The following APELA variants were observed in gnomAD, a reference collection of about 807,000 sequenced individuals.
APELA encodes the protein protein Elabela.
intron 2 of APELA, among the ~76,000 whole-genome samples, chr4:164,880,550 A>G (rs1444883989): frequency 6.6e-6 from 1 of 152,244 alleles, no homozygotes; most frequent in Non-Finnish European, 1.5e-5. Context: ...TTTCAGTGTC[A>G]TGTATGAAAT....
At chr4:164,883,343 C>A (rs1730697143) in intron 2 of APELA, among the ~76,000 whole-genome samples, 1 of 152,170 alleles carries the variant, frequency 6.6e-6, no homozygotes, top group Admixed American at 6.5e-5. Flanking sequence ...TTCTTAATCT[C>A]CTCTTCCAAC....
At chr4:164,891,400 A>G (rs1316233396) in intron 2 of APELA, among the ~76,000 whole-genome samples, 2 of 152,174 alleles carry the variant, frequency 1.3e-5, no homozygotes, top group African/African-American at 4.8e-5. Flanking sequence ...TGTAACAAGT[A>G]TTGCCATTTT....
chr4:164,891,647 T>A (rs1730884149), intron 2 of APELA, among the ~76,000 whole-genome samples: 1 of 152,190 alleles, frequency 6.6e-6, no homozygotes, highest in African/African-American at 2.4e-5. Flanking sequence ...TATCCTGAAA[T>A]CTTAATAAAA....
At chr4:164,886,249 T>C (rs1730768597) in intron 2 of APELA, among the ~76,000 whole-genome samples, 1 of 152,190 alleles carries the variant, frequency 6.6e-6, no homozygotes, top group East Asian at 1.9e-4. Context: ...AAATGAAATA[T>C]TGAAAATTAC....
Position 164,897,444 on chromosome 4 carries a change from A to T in APELA, c.*2030A>T, listed in dbSNP as rs542772095. On this transcript the variant is annotated 3_prime_UTR_variant, in exon 3 of 3. Transcript: ENST00000507152. The stretch of plus-strand genomic sequence containing the variant: ...TACAAATTCGCATATTCACAGAAAA[A>T]GTTACAAATCAGTTTTACTATTGTA... 1 of 152,386 alleles carries T rather than the reference A, an allele frequency of 6.6e-6. No individual in the cohort carries two copies. The highest frequency in any genetic ancestry group is 1.9e-4 in the East Asian group (1 of 5,194). The allele number at this position is 152,386 out of a possible 1,614,324, so 9.4% of individuals were successfully genotyped here.
intron 2 of APELA, among the ~76,000 whole-genome samples, chr4:164,884,121 GAGAAAGAAAGAA>G (rs375419662): frequency 8.8e-6 from 1 of 113,378 alleles, no homozygotes; most frequent in East Asian, 2.4e-4. Context: ...AAGAAAGAAA[GAGAAAGAAAGAA>G]AGAAAGAAAG....
At chr4:164,880,811 G>A (rs2111050229) in intron 2 of APELA, among the ~76,000 whole-genome samples, 1 of 152,248 alleles carries the variant, frequency 6.6e-6, no homozygotes, top group Admixed American at 6.5e-5. Context: ...AAGTTGAGGG[G>A]AATTTTGACT....
At chr4:164,878,792 A>G (rs1212054864) in intron 1 of APELA, 128 bp from the exon 2 acceptor site, 3 of 396,482 alleles carry the variant, frequency 7.6e-6, no homozygotes, top group Non-Finnish European at 1.3e-5. Context: ...TTAATTTTAT[A>G]ATCACATTTG....
chr4:164,891,166 T>A (rs1462160315), intron 2 of APELA, among the ~76,000 whole-genome samples: 1 of 152,200 alleles, frequency 6.6e-6, no homozygotes, highest in Non-Finnish European at 1.5e-5. Context: ...TGCAAATATT[T>A]TCTTCCATTC....
chr4:164,886,982 G>C (rs148588730), intron 2 of APELA, among the ~76,000 whole-genome samples: 9,795 of 151,584 alleles, frequency 0.065, 409 homozygotes, highest in African/African-American at 0.12. Flanking sequence ...CCTGCCACCA[G>C]GCCTGGCTAA....
At chr4:164,893,603 A>T (rs551777111) in intron 2 of APELA, among the ~76,000 whole-genome samples, 1 of 152,292 alleles carries the variant, frequency 6.6e-6, no homozygotes, top group Non-Finnish European at 1.5e-5. Flanking sequence ...TTTTAAAACT[A>T]TGACATTATT....
In APELA at chr4:164,896,504, T is replaced by A. The variant is rs1730979260; in HGVS notation, c.*1090T>A. ...CAATGAAGTCCCACTCAGGGTGATA[T>A]CTGTATCTAAAAGATGAGTGCTCAT... On this transcript the variant is annotated 3_prime_UTR_variant, in exon 3 of 3. Transcript: ENST00000507152. The A allele has an allele frequency of 6.6e-6, 1 of 152,162 alleles. No individual in the cohort carries two copies. Among genetic ancestry groups the A allele is most frequent in the East Asian group, 1.9e-4 (1 of 5,200 alleles). 9.4% of individuals were successfully genotyped at this position (152,162 alleles called of 1,614,324 possible). A position where few individuals can be genotyped will look rare whatever the true frequency, so the allele number is the denominator to read the frequency against.
In APELA at chr4:164,884,157, AAGG is replaced by A. The variant is rs1560858152; in HGVS notation, c.*1+5151_*1+5153del. Among the ~76,000 whole-genome samples the A allele has an allele frequency of 1.4e-3, 205 of 148,698 alleles. 2 individuals are homozygous for A. Among genetic ancestry groups the A allele is most frequent in the African/African-American group, 4.9e-3 (190 of 38,852 alleles). ...AAAGAAAGAAAGAAAGAAAGAAAGA[AAGG>A]AGAAGAGAAAGAAAGGAGAGAAGAA... On this transcript the variant is annotated intron_variant, in intron 2 of 2. Transcript: ENST00000507152.
intron 1 of APELA, among the ~76,000 whole-genome samples, chr4:164,878,264 A>G (rs1466873737): frequency 1.3e-5 from 2 of 150,538 alleles, no homozygotes; most frequent in Admixed American, 6.6e-5. Context: ...CCCAACTTTA[A>G]ATAAAAAGGT....
rs1397841037 is a variant in APELA, at chr4:164,892,396, T to C, written c.*2-3020T>C. 3.3e-5 allele frequency among the ~76,000 whole-genome samples: 5 copies of C among 152,190 alleles called. No homozygotes were observed. The South Asian group carries it at 8.3e-4, about 25-fold the overall frequency. ...TATGTATATATATTATCATGTGTTA[T>C]GTGTTTTGTCTCTTATTCTATTGAT... On this transcript the variant is annotated intron_variant, in intron 2 of 2. Transcript: ENST00000507152.
At chr4:164,884,235 GGAAA>G (rs1264389703) in intron 2 of APELA, among the ~76,000 whole-genome samples, 19 of 151,696 alleles carry the variant, frequency 1.3e-4, no homozygotes, top group Admixed American at 6.6e-4. Context: ...AGGAAGAGAA[GGAAA>G]GAAAGAAGAG....
In APELA at chr4:164,897,144, C is replaced by G. The variant is rs887701611; in HGVS notation, c.*1730C>G. 10 of 152,094 alleles carry G rather than the reference C, an allele frequency of 6.6e-5. No individual in the cohort carries two copies. Among genetic ancestry groups the G allele is most frequent in the Non-Finnish European group, 7.4e-5 (5 of 68,026 alleles). 9.4% of individuals were successfully genotyped at this position (152,094 alleles called of 1,614,324 possible). A position where few individuals can be genotyped will look rare whatever the true frequency, so the allele number is the denominator to read the frequency against. On this transcript the variant is annotated 3_prime_UTR_variant, in exon 3 of 3. Coordinates refer to ENST00000507152, the MANE Select transcript of APELA (RefSeq NM_001297550.2). ...ATTATAAAGTAGAAGAAACCATAAA[C>G]CATTTTGCTAAAATGAAAGGTTGGG...
At chr4:164,895,111 A>T (rs1442543321) in intron 2 of APELA, among the ~76,000 whole-genome samples, 2 of 152,184 alleles carry the variant, frequency 1.3e-5, no homozygotes, top group African/African-American at 2.4e-5. Context: ...GGGCATGAGA[A>T]TCACTTGAAC....
At chr4:164,884,121 G>GAAAGAAACAA (rs5863729) in intron 2 of APELA, among the ~76,000 whole-genome samples, 20 of 113,290 alleles carry the variant, frequency 1.8e-4, no homozygotes, top group African/African-American at 4.9e-4. Flanking sequence ...AAGAAAGAAA[G>GAAAGAAACAA]AGAAAGAAAG....
Sources: allele counts gnomAD v4.1 joint callset (sites outside exome capture counted in the v4.1 genomes callset), GRCh38; gene constraint gnomAD v4.1.1; transcripts MANE v1.5; gene names NCBI Gene and HGNC (gene_info 2026-07-23, HGNC 2026-07-21).